The following MAP3K4 variants were observed in gnomAD, a reference collection of about 807,000 sequenced individuals.
The protein encoded by MAP3K4 is mitogen-activated protein kinase kinase kinase 4, also known as MAP three kinase 1.
MAP3K4 carries 67 observed loss-of-function variants against 185.6 expected under a neutral mutation model. The observed-to-expected ratio is 0.36, with a 90% confidence interval of 0.30 to 0.44. The LOEUF (loss-of-function observed/expected upper bound fraction) is 0.44, where lower values mean the gene tolerates loss of function less well. Among genes scored for constraint, MAP3K4 ranks in the 20% least tolerant of loss-of-function variants. The pLI is 1.00. For synonymous variants in MAP3K4, 702 were observed against 710.4 expected (o/e 0.99, Z 0.19); for missense variants, 1,551 against 1,995.1 (o/e 0.78, Z 4.24).
chr6:161,015,019 G>GT (rs750621428), intron 1 of MAP3K4, among the ~76,000 whole-genome samples: 3 of 152,056 alleles, frequency 2.0e-5, no homozygotes, highest in African/African-American at 7.2e-5. Context: ...TAATATGTGG[G>GT]TTTTTTTGTG....
Position 161,106,864 on chromosome 6 carries a change from GTTGT to G in MAP3K4, c.4048+162_4048+165del, listed in dbSNP as rs1211954572. On this transcript the variant is annotated intron_variant, in intron 20 of 26. Transcript: ENST00000392142. This position sits in a 1 kb window ranked among gnomAD's most constrained non-coding sequence, Gnocchi z 4.9. ...TGCAAAGTGGTCTGGATTTTTTTTG[GTTGT>G]TTAATTTGTAAAATGTATTCTAAGA... Among the ~76,000 whole-genome samples, 1 of 151,844 alleles carries G rather than the reference GTTGT, an allele frequency of 6.6e-6. No homozygotes were observed. Among genetic ancestry groups the G allele is most frequent in the African/African-American group, 2.4e-5 (1 of 41,324 alleles).
In MAP3K4 at chr6:161,088,423, C is replaced by A. The variant is rs1357586720; in HGVS notation, c.2823+469C>A. Among the ~76,000 whole-genome samples, 1 of 152,144 alleles carries A rather than the reference C, an allele frequency of 6.6e-6. No homozygotes were observed. ...AACTATGAGAAGCTTTCTCATTTAT[C>A]TGTGTTCAGCTTAGGAACAGTCATG... is the stretch of plus-strand genomic sequence containing the variant. On this transcript the variant is annotated intron_variant, in intron 10 of 26. Coordinates refer to ENST00000392142, the MANE Select transcript of MAP3K4 (RefSeq NM_005922.4). This position sits in a 1 kb window ranked among gnomAD's most constrained non-coding sequence, Gnocchi z 4.5.
intron 15 of MAP3K4, among the ~76,000 whole-genome samples, chr6:161,095,670 C>A (rs901270773): frequency 7.2e-5 from 11 of 152,302 alleles, no homozygotes; most frequent in South Asian, 6.2e-4. Context: ...TTTTCATTGG[C>A]CACACTGTGG....
chr6:161,079,216 G>GAAAAAA (rs71004026), intron 5 of MAP3K4, among the ~76,000 whole-genome samples: 3 of 115,958 alleles, frequency 2.6e-5, no homozygotes, highest in Admixed American at 9.8e-5. Flanking sequence ...CCTGTCTCAA[G>GAAAAAA]AAAAAAAAAA....
At chr6:161,105,780 G>T (rs1248814888) in intron 19 of MAP3K4, among the ~76,000 whole-genome samples, 5 of 151,962 alleles carry the variant, frequency 3.3e-5, no homozygotes, top group Admixed American at 2.6e-4. Flanking sequence ...TTCTGCAGGG[G>T]TTTGGATATT....
rs1333452215 is a variant in MAP3K4, at chr6:161,076,455, G to A, written c.2097+2843G>A. ...CTGCGTTAGGACATCCACTGTACTC[G>A]AAAAACTGAGACACTTAAGCATGTA... On this transcript the variant is annotated intron_variant, in intron 5 of 26. Transcript: ENST00000392142. The surrounding 1 kb of genome is among the most constrained non-coding windows in gnomAD (Gnocchi z 4.2). 2.6e-5 allele frequency among the ~76,000 whole-genome samples: 4 copies of A among 152,284 alleles called. No homozygotes were observed. Among genetic ancestry groups the A allele is most frequent in the East Asian group, 3.9e-4 (2 of 5,178 alleles).
rs919563439 is a variant in MAP3K4, at chr6:160,992,241, C to G, written c.152+158C>G. 74 of 1,027,644 alleles carry G rather than the reference C, an allele frequency of 7.2e-5. No individual in the cohort carries two copies. In the East Asian group the frequency reaches 2.4e-3, roughly 33 times the overall value. The allele number at this position is 1,027,644 out of a possible 1,614,324, so 63.7% of individuals were successfully genotyped here. Reference sequence around the variant, plus strand: ...GAGGGGCGCGGTGCATCCCTGGGTCCCAGGGGACCGCGTCTGAGTCTGTCC... The same window carrying G: ...GAGGGGCGCGGTGCATCCCTGGGTCGCAGGGGACCGCGTCTGAGTCTGTCC... On this transcript the variant is annotated intron_variant, in intron 1 of 26. Transcript: ENST00000392142.
At chr6:160,994,118 A>G (rs1271567913) in intron 1 of MAP3K4, among the ~76,000 whole-genome samples, 3 of 145,002 alleles carry the variant, frequency 2.1e-5, no homozygotes, top group African/African-American at 5.1e-5. Flanking sequence ...GTGAAATGCC[A>G]CCTCTTTTTT....
Position 161,087,873 on chromosome 6 carries a change from G to A in MAP3K4, c.2742G>A (p.Glu914=), listed in dbSNP as rs1785817578. 6.2e-7 allele frequency: 1 copy of A among 1,614,168 alleles called. No individual in the cohort carries two copies. The highest frequency in any genetic ancestry group is 2.2e-5 in the East Asian group (1 of 44,884). ...TKHGDRARDS[E]DSWGTWEAQP... ...ACGGTGATCGAGCCCGTGATTCAGA[G>A]GACAGCTGGGGCACCTGGGAGGCAC... The change falls in exon 10 of 27, where the codon GAG becomes GAA. Residue 914 remains glutamate, a synonymous_variant. Coordinates refer to ENST00000392142, the MANE Select transcript of MAP3K4 (RefSeq NM_005922.4). This position sits in a 1 kb window ranked among gnomAD's most constrained non-coding sequence, Gnocchi z 4.9.
rs1778081846 is a variant in MAP3K4 at position 161,106,574 on chromosome 6, A to G, written c.3917A>G (p.Glu1306Gly). The change falls in exon 20 of 27, where the codon GAA becomes GGA. Residue 1306 changes from glutamate to glycine, a missense_variant. By Grantham distance (98) the Glu-to-Gly change is moderately conservative. Coordinates refer to ENST00000392142, the MANE Select transcript of MAP3K4 (RefSeq NM_005922.4). The surrounding 1 kb of genome is among the most constrained non-coding windows in gnomAD (Gnocchi z 4.9). ...AIQKSVRLFE[E>G]KRYREMRRKN... ...CAGAAGTCAGTCCGATTGTTTGAAG[A>G]AAAGAGGTACCGAGAAATGAGGAGA... 6.2e-7 allele frequency: 1 copy of G among 1,614,024 alleles called. No homozygotes were observed. Among genetic ancestry groups the G allele is most frequent in the Non-Finnish European group, 8.5e-7 (1 of 1,179,940 alleles).
rs1783917603 is a variant in MAP3K4 at position 161,049,761 on chromosome 6, C to G, written c.1489C>G (p.Leu497Val). The G allele has an allele frequency of 3.1e-6, 5 of 1,614,028 alleles. No homozygotes were observed. The highest frequency in any genetic ancestry group is 1.6e-4 in the Middle Eastern group (1 of 6,084). ...RDCISKKLER[L>V]ESEDDSLGWG... Reference sequence around the variant, plus strand: ...CTGCATATCCAAGAAGCTTGAGAGGCTCGAATCTGAGGATGATTCTCTTGG... The same window carrying G: ...CTGCATATCCAAGAAGCTTGAGAGGGTCGAATCTGAGGATGATTCTCTTGG... The change falls in exon 3 of 27, where the codon CTC (leucine) becomes GTC (valine). Residue 497 changes from leucine to valine, a missense_variant. Around this residue, in one of 16 missense-constraint regions of MAP3K4, gnomAD observed 126 missense variants for 112.8 expected, o/e 1.12. Coordinates refer to ENST00000392142, the MANE Select transcript of MAP3K4 (RefSeq NM_005922.4). This position sits in a 1 kb window ranked among gnomAD's most constrained non-coding sequence, Gnocchi z 8.4.
Position 161,102,781 on chromosome 6 carries a change from T to C in MAP3K4, c.3856+2T>C, listed in dbSNP as rs1328594685. ...GGACACTAATCAGCCAGAGTAAAGG[T>C]GAGAGAAAGAGTGTTGAAGTTAAAA... On this transcript the variant is annotated splice_donor_variant, in intron 19 of 26. Coordinates refer to ENST00000392142, the MANE Select transcript of MAP3K4 (RefSeq NM_005922.4). LOFTEE classifies it high-confidence loss of function. 1 of 1,371,414 alleles carries C rather than the reference T, an allele frequency of 7.3e-7. No homozygotes were observed. The allele number at this position is 1,371,414 out of a possible 1,614,324, so 85.0% of individuals were successfully genotyped here.
chr6:161,053,986 A>G lies in MAP3K4; in HGVS notation c.1707+4007A>G, dbSNP rs551790446. Among the ~76,000 whole-genome samples the G allele has an allele frequency of 9.8e-5, 15 of 152,316 alleles. No homozygotes were observed. The Middle Eastern group carries it at 0.01, about 104-fold the overall frequency. On this transcript the variant is annotated intron_variant, in intron 3 of 26. Transcript: ENST00000392142. This position sits in a 1 kb window ranked among gnomAD's most constrained non-coding sequence, Gnocchi z 4.2. ...ATTTTGCAGTTTTTGTGGTTTCGTG[A>G]TAATAGGAATGAATATAGGTGAAGG...
chr6:161,027,135 T>G (rs74731419), intron 1 of MAP3K4, among the ~76,000 whole-genome samples: 5,832 of 152,262 alleles, frequency 0.038, 150 homozygotes, highest in South Asian at 0.069. Context: ...TCATTTCTTA[T>G]ATAAAACTTA....
rs115622600 is a variant in MAP3K4 at position 161,085,938 on chromosome 6, T to C, written c.2373-441T>C. On this transcript the variant is annotated intron_variant, in intron 7 of 26. Coordinates refer to ENST00000392142, the MANE Select transcript of MAP3K4 (RefSeq NM_005922.4). ...CATACTGCTGCCTTGAAATTAGCTA[T>C]GATGGGAGTATTTACACCACAGAAA... Among the ~76,000 whole-genome samples the C allele has an allele frequency of 8.0e-3, 1,214 of 152,246 alleles. 14 individuals are homozygous for C. Among genetic ancestry groups the C allele is most frequent in the African/African-American group, 0.027 (1,134 of 41,548 alleles).
rs989696975 is a variant in MAP3K4, at chr6:161,108,063, G to C, written c.4119+94G>C. On this transcript the variant is annotated intron_variant, in intron 21 of 26. Transcript: ENST00000392142. The surrounding 1 kb of genome is among the most constrained non-coding windows in gnomAD (Gnocchi z 5.7). The stretch of plus-strand genomic sequence containing the variant: ...CTGGTCGTGATTCAGTTCTCTGTGC[G>C]TAGAGCTGTCTTCAGCACCAGCACT... The C allele has an allele frequency of 1.1e-5, 12 of 1,123,838 alleles. No individual in the cohort carries two copies. Among genetic ancestry groups the C allele is most frequent in the Non-Finnish European group, 1.5e-5 (12 of 775,964 alleles). 69.6% of individuals were successfully genotyped at this position (1,123,838 alleles called of 1,614,324 possible). A position where few individuals can be genotyped will look rare whatever the true frequency, so the allele number is the denominator to read the frequency against.
At position 161,034,389 on chromosome 6, in the gene MAP3K4, A is replaced by C. The variant is rs1364271078; in HGVS notation, c.283A>C (p.Met95Leu). 2 of 1,613,862 alleles carry C rather than the reference A, an allele frequency of 1.2e-6. No homozygotes were observed. The change falls in exon 2 of 27, where the codon ATG becomes CTG. Residue 95 changes from methionine to leucine, a missense_variant. Met to Leu is a conservative substitution (Grantham distance 15). Around this residue, in one of 16 missense-constraint regions of MAP3K4, gnomAD observed 287 missense variants for 268.8 expected, o/e 1.07. Coordinates refer to ENST00000392142, the MANE Select transcript of MAP3K4 (RefSeq NM_005922.4). The surrounding 1 kb of genome is among the most constrained non-coding windows in gnomAD (Gnocchi z 4.4). ...CAGCACACCTCGACAGATGAAACGC[A>C]TGTCAACCAAACATCAGAGGAATAA... ...PPSTPRQMKR[M>L]STKHQRNNVG...
intron 2 of MAP3K4, among the ~76,000 whole-genome samples, chr6:161,040,010 G>T (rs1783376968): frequency 6.6e-6 from 1 of 152,102 alleles, no homozygotes; most frequent in Non-Finnish European, 1.5e-5. Flanking sequence ...ACCTAGTGGT[G>T]GAATTGCTGT....
rs981819162 is a variant in MAP3K4, at chr6:161,091,288, T to C, written c.2974-91T>C. The C allele has an allele frequency of 2.0e-5, 21 of 1,041,138 alleles. No homozygotes were observed. The African/African-American group carries it at 2.3e-4, about 11-fold the overall frequency. The allele number at this position is 1,041,138 out of a possible 1,614,324, so 64.5% of individuals were successfully genotyped here. A position where few individuals can be genotyped will look rare whatever the true frequency, so the allele number is the denominator to read the frequency against. On this transcript the variant is annotated intron_variant, in intron 11 of 26. Transcript: ENST00000392142. The surrounding 1 kb of genome is among the most constrained non-coding windows in gnomAD (Gnocchi z 5.5). ...TGAATTGTTTGTAGTGGTTAATGTC[T>C]GTGTGATGATGAACGAAATCTTCCT...
Sources: allele counts gnomAD v4.1 joint callset (sites outside exome capture counted in the v4.1 genomes callset), GRCh38; gene constraint gnomAD v4.1.1; regional missense constraint gnomAD v4.1.1; non-coding constraint Gnocchi (gnomAD v3.1); transcripts MANE v1.5; gene names NCBI Gene and HGNC (gene_info 2026-07-23, HGNC 2026-07-21).